DOCK3: variants seen among roughly 807,000 people sequenced by gnomAD.
DOCK3 encodes dedicator of cytokinesis protein 3.
A neutral mutation model predicts 265.6 loss-of-function variants in DOCK3; 60 were observed. That is an observed-to-expected ratio of 0.23 (90% CI 0.18 to 0.28). The LOEUF (loss-of-function observed/expected upper bound fraction) is 0.28. DOCK3 is among the 10% of genes least tolerant of loss of function. The probability of loss-of-function intolerance (pLI) is 1.00; values close to 1 mark genes in which losing one functional copy is unlikely to be tolerated. For missense variants in DOCK3, 1,981 were observed against 2,594.3 expected (o/e 0.76, Z 5.14); for synonymous variants, 881 against 938.0 (o/e 0.94, Z 1.11).
chr3:51,300,244 C>T (rs1163266756), intron 27 of DOCK3, among the ~76,000 whole-genome samples: 2 of 152,104 alleles, frequency 1.3e-5, no homozygotes, highest in Non-Finnish European at 2.9e-5. Context: ...GATTTTTGCG[C>T]ATTGATTTTG....
intron 1 of DOCK3, among the ~76,000 whole-genome samples, chr3:50,732,010 CAA>C (rs932650248): frequency 2.0e-5 from 3 of 151,362 alleles, no homozygotes; most frequent in African/African-American, 7.3e-5. Context: ...CGGAGTTTGG[CAA>C]AGTCTGAGAA....
At chr3:51,222,816 TC>T (rs1195740823) in intron 14 of DOCK3, among the ~76,000 whole-genome samples, 1 of 152,344 alleles carries the variant, frequency 6.6e-6, no homozygotes, top group African/African-American at 2.4e-5. Flanking sequence ...GCTTAATCCT[TC>T]CGTTTTGAAA....
intron 4 of DOCK3, among the ~76,000 whole-genome samples, chr3:50,933,311 A>T (rs2051172657): frequency 6.6e-6 from 1 of 152,170 alleles, no homozygotes; most frequent in African/African-American, 2.4e-5. Context: ...TGAAGATAGA[A>T]ATCCTGTTCC....
chr3:51,253,822 A>C (rs201460277), intron 22 of DOCK3, among the ~76,000 whole-genome samples: 1 of 151,990 alleles, frequency 6.6e-6, no homozygotes, highest in Non-Finnish European at 1.5e-5. Flanking sequence ...CAGCTCCTGG[A>C]TTCATTGATT....
intron 27 of DOCK3, among the ~76,000 whole-genome samples, chr3:51,301,128 TGGGAGGCTGTACGTGTCCA>T (rs1560388085): frequency 1.3e-5 from 2 of 152,196 alleles, no homozygotes; most frequent in African/African-American, 4.8e-5. Flanking sequence ...GGTTTAGTCT[TGGGAGGCTGTACGTGTCCA>T]GGAATTTATC....
chr3:51,218,758 A>G (rs2091980211), intron 14 of DOCK3, among the ~76,000 whole-genome samples: 1 of 152,238 alleles, frequency 6.6e-6, no homozygotes, highest in South Asian at 2.1e-4. Flanking sequence ...TTGTTCTAAT[A>G]GATGACTAAG....
chr3:51,201,474 A>C lies in DOCK3; in HGVS notation c.1038-7300A>C, dbSNP rs539609688. The stretch of plus-strand genomic sequence containing the variant: ...ATCAATTCAACAAGAAGAGCTAACT[A>C]TCCTAAATATATATGCACCCAATAC... On this transcript the variant is annotated intron_variant, in intron 12 of 52. Transcript: ENST00000266037. Among the ~76,000 whole-genome samples, 10 of 152,344 alleles carry C rather than the reference A, an allele frequency of 6.6e-5. No individual in the cohort carries two copies. In the South Asian group the frequency reaches 2.1e-3, roughly 32 times the overall value.
Position 51,358,061 on chromosome 3 carries a change from G to A in DOCK3, c.4868G>A (p.Arg1623Gln), listed in dbSNP as rs751541166. The A allele has an allele frequency of 9.3e-6, 15 of 1,613,784 alleles. 1 individual carries two copies. In the South Asian group the frequency reaches 9.9e-5, roughly 11 times the overall value. The stretch of plus-strand genomic sequence containing the variant: ...CTAATTGATCAGTTCCAGATGATGC[G>A]GGCCAGTCTCTACCATGTAAGTTGA... ...KKLIDQFQMM[R>Q]ASLYHEFPGL... Residue 1623 changes from arginine (R) to glutamine (Q), a missense_variant, in exon 46 of 53, where the codon CGG (arginine) becomes CAG (glutamine). This residue lies in a region of DOCK3 where 1,357 missense variants were observed against 1,866.8 expected (regional missense o/e 0.73). Transcript: ENST00000266037.
intron 1 of DOCK3, among the ~76,000 whole-genome samples, chr3:50,758,894 T>C (rs1301756914): frequency 6.6e-6 from 1 of 152,242 alleles, no homozygotes; most frequent in Non-Finnish European, 1.5e-5. Context: ...TAGCTTATTT[T>C]ACTTAGTGTA....
chr3:51,014,234 C>T (rs551395160), intron 5 of DOCK3, among the ~76,000 whole-genome samples: 2 of 151,876 alleles, frequency 1.3e-5, no homozygotes, highest in Non-Finnish European at 2.9e-5. Flanking sequence ...CAGAAACCAC[C>T]CATCTTCTGT....
intron 27 of DOCK3, among the ~76,000 whole-genome samples, chr3:51,295,786 TG>T (rs1209488946): frequency 7.0e-6 from 1 of 142,308 alleles, no homozygotes; most frequent in Non-Finnish European, 1.5e-5. Context: ...CGTTGGGGGG[TG>T]GGGGGTAACC....
chr3:51,378,942 T>TC (rs1430509612), intron 51 of DOCK3, among the ~76,000 whole-genome samples: 1 of 152,162 alleles, frequency 6.6e-6, no homozygotes, highest in Non-Finnish European at 1.5e-5. Context: ...CAGCCCTCCC[T>TC]CCTCCTGTTA....
chr3:51,288,942 TTAAAG>T (rs1245203675), intron 27 of DOCK3, among the ~76,000 whole-genome samples: 17 of 150,372 alleles, frequency 1.1e-4, no homozygotes, highest in Non-Finnish European at 2.1e-4. Context: ...GTGTGTGTAT[TTAAAG>T]TAAATCGGTG....
At chr3:50,760,101 T>C (rs2040433888) in intron 1 of DOCK3, among the ~76,000 whole-genome samples, 1 of 152,132 alleles carries the variant, frequency 6.6e-6, no homozygotes, top group South Asian at 2.1e-4. Flanking sequence ...TTTTCCCTTA[T>C]GTTTTCTTCT....
intron 3 of DOCK3, among the ~76,000 whole-genome samples, chr3:50,868,054 A>G (rs2107555447): frequency 6.6e-6 from 1 of 150,550 alleles, no homozygotes; most frequent in Non-Finnish European, 1.5e-5. Flanking sequence ...ATTGGGTCCC[A>G]GGCTTTTCTT....
intron 10 of DOCK3, among the ~76,000 whole-genome samples, chr3:51,159,003 A>G (rs2085998986): frequency 6.6e-6 from 1 of 152,200 alleles, no homozygotes. Context: ...TAGACTTTTT[A>G]TTTGTTAAGT....
At chr3:50,891,269 T>C (rs2048626973) in intron 4 of DOCK3, among the ~76,000 whole-genome samples, 1 of 152,122 alleles carries the variant, frequency 6.6e-6, no homozygotes, top group South Asian at 2.1e-4. Flanking sequence ...CTTAGAAGAA[T>C]AGATTTGGAG....
intron 12 of DOCK3, among the ~76,000 whole-genome samples, chr3:51,169,925 G>C (rs1209086727): frequency 6.6e-6 from 1 of 152,064 alleles, no homozygotes; most frequent in Non-Finnish European, 1.5e-5. Flanking sequence ...ATTTTGTTGA[G>C]AAGTTCTGCA....
intron 14 of DOCK3, among the ~76,000 whole-genome samples, chr3:51,215,965 C>A (rs1378012745): frequency 6.7e-6 from 1 of 150,270 alleles, no homozygotes; most frequent in Non-Finnish European, 1.5e-5. Flanking sequence ...CAAGCATAGT[C>A]AGGCTTCTTG....
Sources: allele counts gnomAD v4.1 joint callset (sites outside exome capture counted in the v4.1 genomes callset), GRCh38; gene constraint gnomAD v4.1.1; regional missense constraint gnomAD v4.1.1; transcripts MANE v1.5; gene names NCBI Gene and HGNC (gene_info 2026-07-23, HGNC 2026-07-21).